Variants in SLC13A4 observed in about 807,000 individuals in gnomAD.
The protein encoded by SLC13A4 is Na(+)/sulfate cotransporter SUT-1.
SLC13A4 carries 28 observed loss-of-function variants against 72.7 expected under a neutral mutation model. The ratio of observed to expected loss-of-function variants is 0.39; its 90% CI spans 0.29 to 0.53. The LOEUF is 0.53. Ranked by LOEUF, SLC13A4 falls within the 20% of genes least tolerant of loss-of-function variation. The probability of loss-of-function intolerance (pLI) is 0.78; values close to 1 mark genes in which losing one functional copy is unlikely to be tolerated. For missense variants in SLC13A4, 653 were observed against 788.0 expected, an observed-to-expected ratio of 0.83 and a Z score of 2.05; for synonymous variants, 312 against 325.5, an observed-to-expected ratio of 0.96 and a Z score of 0.45.
chr7:135,709,772 A>G lies in SLC13A4; in HGVS notation c.229-1522T>C, dbSNP rs557115779. ...AGTTCAGGCCTGGCATCCTCTAGAA[A>G]AAACCTTTCTTGTGGCCCTAGCCTC... On this transcript the variant is annotated intron_variant, in intron 2 of 15. Transcript: ENST00000682651. Among the ~76,000 whole-genome samples the G allele has an allele frequency of 5.3e-5, 8 of 152,316 alleles. No individual in the cohort carries two copies. The East Asian group carries it at 1.4e-3, about 26-fold the overall frequency.
chr7:135,708,917 A>ATTTTT (rs59407311), intron 2 of SLC13A4, among the ~76,000 whole-genome samples: 8 of 71,460 alleles, frequency 1.1e-4, no homozygotes, highest in African/African-American at 2.9e-4. Flanking sequence ...GTCTTGCTCA[A>ATTTTT]TTTTTTTTTT....
At chr7:135,695,137 A>G (rs1795872751) in intron 9 of SLC13A4, among the ~76,000 whole-genome samples, 1 of 152,210 alleles carries the variant, frequency 6.6e-6, no homozygotes, top group Admixed American at 6.5e-5. Flanking sequence ...ATTTAGTTGG[A>G]ATTAAGAACA....
Position 135,681,426 on chromosome 7 carries a change from T to C in SLC13A4, c.*137A>G. 2 of 1,088,362 alleles carry C rather than the reference T, an allele frequency of 1.8e-6. No individual in the cohort carries two copies. The highest frequency in any genetic ancestry group is 2.6e-6 in the Non-Finnish European group (2 of 769,728). 67.4% of individuals were successfully genotyped at this position (1,088,362 alleles called of 1,614,324 possible). ...GCAGTTCACTTGAGGTGGCGGAATC[T>C]TCTGGTGGAGGGATGCCCTCCGGCG... On this transcript the variant is annotated 3_prime_UTR_variant, in exon 16 of 16. Transcript: ENST00000682651.
intron 10 of SLC13A4, chr7:135,693,302 A>G (rs552046891): frequency 6.6e-6 from 1 of 152,310 alleles, no homozygotes; most frequent in Non-Finnish European, 1.5e-5. Flanking sequence ...AGCAGAGTTA[A>G]GGATGTGGAA....
chr7:135,682,517 C>T (rs1795525655), intron 15 of SLC13A4, among the ~76,000 whole-genome samples: 1 of 152,242 alleles, frequency 6.6e-6, no homozygotes, highest in East Asian at 1.9e-4. Context: ...GAAATTGTTT[C>T]AAGCAAATGG....
chr7:135,683,525 A>C, intron 15 of SLC13A4: 5 of 984,888 alleles, frequency 5.1e-6, no homozygotes, highest in Non-Finnish European at 6.0e-6. Context: ...GCAGGTGTAT[A>C]GGTAGAGGAG....
Position 135,706,273 on chromosome 7 carries a change from G to C in SLC13A4, c.393C>G (p.Thr131=). 6.2e-7 allele frequency: 1 copy of C among 1,612,794 alleles called. No homozygotes were observed. Among genetic ancestry groups the C allele is most frequent in the East Asian group, 2.2e-5 (1 of 44,850 alleles). ...GMLLLCFMCC[T]TLLSMWLSNT... ...TGGACAGCCACATGGACAGCAACGTGGTACAGCACATGAAGCAGAGCAGCA... is the reference window on the plus strand; with the variant it reads ...TGGACAGCCACATGGACAGCAACGTCGTACAGCACATGAAGCAGAGCAGCA... The change falls in exon 4 of 16, where the codon ACC becomes ACG. Residue 131 remains threonine, a synonymous_variant. Coordinates refer to ENST00000682651, the MANE Select transcript of SLC13A4 (RefSeq NM_001318192.2).
chr7:135,723,069 G>C (rs4732136), intron 1 of SLC13A4, among the ~76,000 whole-genome samples: 70,877 of 151,942 alleles, frequency 0.47, 16,737 homozygotes, highest in African/African-American at 0.51. Flanking sequence ...ACTGTGACAA[G>C]CAAAAAACCA....
chr7:135,716,686 A>G (rs949368051), intron 2 of SLC13A4, among the ~76,000 whole-genome samples: 1 of 152,248 alleles, frequency 6.6e-6, no homozygotes, highest in Non-Finnish European at 1.5e-5. Context: ...CTGGAATCAT[A>G]CAATCTTGGA....
chr7:135,695,330 G>A, intron 9 of SLC13A4, 38 bp downstream of exon 9: 1 of 1,612,102 alleles, frequency 6.2e-7, no homozygotes, highest in Non-Finnish European at 8.5e-7. Context: ...ATCAACAGGG[G>A]GGCTTCAGTG....
intron 13 of SLC13A4, among the ~76,000 whole-genome samples, chr7:135,690,180 C>CAAAAAA (rs57390577): frequency 3.4e-5 from 1 of 29,604 alleles, no homozygotes; most frequent in African/African-American, 1.0e-4. Flanking sequence ...GACTCTGTCT[C>CAAAAAA]AAAAAAAAAA....
chr7:135,690,294 T>G (rs1369536157), intron 13 of SLC13A4, among the ~76,000 whole-genome samples: 1 of 151,772 alleles, frequency 6.6e-6, no homozygotes, highest in Non-Finnish European at 1.5e-5. Flanking sequence ...TTCTTAAGAT[T>G]GTTTTCTATT....
chr7:135,721,545 C>T (rs1406489867), intron 1 of SLC13A4, 22 bp from the exon 2 acceptor site: 4 of 1,613,068 alleles, frequency 2.5e-6, no homozygotes, highest in Middle Eastern at 1.7e-4. Flanking sequence ...GGAAAGGGGC[C>T]GTCATTCACA....
In SLC13A4 at chr7:135,685,700, T is replaced by TA. The variant is rs752361465; in HGVS notation, c.1447-18dup. The TA allele has an allele frequency of 1.6e-5, 25 of 1,602,322 alleles. No individual in the cohort carries two copies. Among genetic ancestry groups the TA allele is most frequent in the East Asian group, 2.2e-5 (1 of 44,668 alleles). ...GCCAGAGCTCTGTAGGAAGAGGTGTTACAGTAAGAAGAAAGGAGAAGAAGC... is the reference window on the plus strand; with the variant it reads ...GCCAGAGCTCTGTAGGAAGAGGTGTTAACAGTAAGAAGAAAGGAGAAGAAGC... On this transcript the variant is annotated splice_polypyrimidine_tract_variant and intron_variant, in intron 13 of 15. Transcript: ENST00000682651.
intron 2 of SLC13A4, among the ~76,000 whole-genome samples, chr7:135,715,793 G>A (rs1382323844): frequency 1.3e-5 from 2 of 152,216 alleles, no homozygotes; most frequent in Non-Finnish European, 2.9e-5. Flanking sequence ...AAGGGGCTTA[G>A]AGGACTTCAG....
At chr7:135,715,102 T>G (rs1432150051) in intron 2 of SLC13A4, among the ~76,000 whole-genome samples, 1 of 151,640 alleles carries the variant, frequency 6.6e-6, no homozygotes, top group Non-Finnish European at 1.5e-5. Flanking sequence ...TGTATGTGTG[T>G]GAGCGTGTAT....
chr7:135,703,090 C>T (rs1796078547), intron 5 of SLC13A4: 1 of 581,066 alleles, frequency 1.7e-6, no homozygotes, highest in African/African-American at 1.9e-5. Context: ...CTGCTTCCTT[C>T]TGAGGGCAGG....
intron 2 of SLC13A4, among the ~76,000 whole-genome samples, chr7:135,713,547 G>A (rs1238157083): frequency 6.6e-6 from 1 of 151,944 alleles, no homozygotes; most frequent in Non-Finnish European, 1.5e-5. Context: ...TAATGCAGGT[G>A]GGCTCTTATT....
At chr7:135,683,137 A>G (rs561542422) in intron 15 of SLC13A4, among the ~76,000 whole-genome samples, 20 of 151,796 alleles carry the variant, frequency 1.3e-4, no homozygotes, top group Non-Finnish European at 2.4e-4. Flanking sequence ...CATCTCTACT[A>G]AAAATACAAA....
Sources: gnomAD v4.1 joint callset for allele counts (sites outside exome capture counted in the v4.1 genomes callset) on GRCh38, gnomAD v4.1.1 for gene constraint, MANE v1.5 for transcripts, NCBI Gene and HGNC (gene_info 2026-07-23, HGNC 2026-07-21) for gene names.